Variants in AUTS2 observed in about 807,000 individuals in gnomAD.
The protein encoded by AUTS2 is autism susceptibility gene 2 protein.
AUTS2 carries 17 observed loss-of-function variants against 112.4 expected under a neutral mutation model. The observed-to-expected ratio is 0.15, with a 90% confidence interval of 0.10 to 0.23. AUTS2 has a LOEUF of 0.23. AUTS2 is among the 10% of genes least tolerant of loss of function. The probability of loss-of-function intolerance (pLI) is 1.00; values close to 1 mark genes in which losing one functional copy is unlikely to be tolerated. For missense variants in AUTS2, 1,510 were observed against 1,701.6 expected (o/e 0.89, Z 1.98); for synonymous variants, 751 against 702.7 (o/e 1.07, Z -1.09).
intron 5 of AUTS2, among the ~76,000 whole-genome samples, chr7:70,566,309 G>C (rs993134377): frequency 3.9e-5 from 6 of 152,174 alleles, no homozygotes; most frequent in African/African-American, 1.4e-4. Flanking sequence ...CAATTTCTAT[G>C]AAGATGGGAG....
intron 5 of AUTS2, among the ~76,000 whole-genome samples, chr7:70,685,045 C>G (rs1808400742): frequency 6.6e-6 from 1 of 152,036 alleles, no homozygotes; most frequent in African/African-American, 2.4e-5. Context: ...GTTGATTTCT[C>G]CCTCCCTTCC....
In AUTS2 at chr7:70,287,179, T is replaced by TC. The variant is rs1276744951; in HGVS notation, c.661-148572dup. Among the ~76,000 whole-genome samples the TC allele has an allele frequency of 5.3e-5, 8 of 152,302 alleles. No homozygotes were observed. In the East Asian group the frequency reaches 1.5e-3, roughly 29 times the overall value. ...AGATTCGCTGGATCTCTGTATCTCT[T>TC]CAACTGTGGTGAGTTTCATGGACAG... On this transcript the variant is annotated intron_variant, in intron 4 of 18. Transcript: ENST00000342771.
intron 6 of AUTS2, among the ~76,000 whole-genome samples, chr7:70,748,617 A>T (rs1031595285): frequency 2.0e-5 from 3 of 152,216 alleles, no homozygotes; most frequent in Non-Finnish European, 4.4e-5. Flanking sequence ...TACCAGTGAG[A>T]TATTTTAAAA....
chr7:69,823,172 CCTCT>C (rs1201540333), intron 1 of AUTS2, among the ~76,000 whole-genome samples: 1 of 152,150 alleles, frequency 6.6e-6, no homozygotes. Context: ...CTTTCAGCAA[CCTCT>C]CTCTCCCTTG....
chr7:70,649,765 T>G (rs1806394284), intron 5 of AUTS2, among the ~76,000 whole-genome samples: 2 of 151,990 alleles, frequency 1.3e-5, no homozygotes, highest in African/African-American at 4.8e-5. Context: ...CTGGACCTCG[T>G]GATTCACCCG....
intron 1 of AUTS2, among the ~76,000 whole-genome samples, chr7:69,704,340 C>T (rs897352365): frequency 7.1e-4 from 108 of 151,602 alleles, no homozygotes; most frequent in Non-Finnish European, 1.2e-3. Context: ...TGCGGTGGTG[C>T]GATCTCTGCT....
rs549590457 is a variant in AUTS2, at chr7:70,658,870, G to T, written c.691-39699G>T. Among the ~76,000 whole-genome samples the T allele has an allele frequency of 4.5e-4, 68 of 152,302 alleles. 2 individuals are homozygous for T. The South Asian group carries it at 0.011, about 25-fold the overall frequency. On this transcript the variant is annotated intron_variant, in intron 5 of 18. Transcript: ENST00000342771. ...CCCTGAAGCACAGACATATTGCAGA[G>T]CTAATGTATTATTTTGTTTTTGTTT...
In AUTS2 at chr7:70,208,864, G is replaced by A. The variant is rs191416398; in HGVS notation, c.660+74293G>A. On this transcript the variant is annotated intron_variant, in intron 4 of 18. Coordinates refer to ENST00000342771, the MANE Select transcript of AUTS2 (RefSeq NM_015570.4). ...CAAGGGACAGGAAAAAGGCCGGTGT[G>A]GCTGGAATTTGGTGTTCAAAGCAAG... Among the ~76,000 whole-genome samples the A allele has an allele frequency of 7.2e-4, 110 of 152,058 alleles. 1 individual carries two copies. In the Middle Eastern group the frequency reaches 0.014, roughly 19 times the overall value.
Position 70,760,586 on chromosome 7 carries a change from G to C in AUTS2, c.743-2284G>C, listed in dbSNP as rs140901332. Reference sequence around the variant, plus strand: ...GTGAAAGAAAAATATGGGAAATTTTGTGAAGACACATGGAGAGACACAGAG... The same window carrying C: ...GTGAAAGAAAAATATGGGAAATTTTCTGAAGACACATGGAGAGACACAGAG... On this transcript the variant is annotated intron_variant, in intron 6 of 18. Coordinates refer to ENST00000342771, the MANE Select transcript of AUTS2 (RefSeq NM_015570.4). Among the ~76,000 whole-genome samples, 273 of 152,338 alleles carry C rather than the reference G, an allele frequency of 1.8e-3. 1 individual carries two copies. Among genetic ancestry groups the C allele is most frequent in the African/African-American group, 6.2e-3 (258 of 41,572 alleles).
rs560863845 is a variant in AUTS2, at chr7:70,631,353, G to A, written c.691-67216G>A. Among the ~76,000 whole-genome samples the A allele has an allele frequency of 3.9e-5, 6 of 152,292 alleles. No individual in the cohort carries two copies. The highest frequency in any genetic ancestry group is 4.2e-4 in the South Asian group (2 of 4,818). ...AGGGCAGGGGCTGGCGACTGGCGGC[G>A]GGGAAGCATGTGCACATGCGTGTCT... On this transcript the variant is annotated intron_variant, in intron 5 of 18. Transcript: ENST00000342771. This position sits in a 1 kb window ranked among gnomAD's most constrained non-coding sequence, Gnocchi z 4.5.
chr7:69,717,845 G>A (rs1242979416), intron 1 of AUTS2, among the ~76,000 whole-genome samples: 1 of 152,076 alleles, frequency 6.6e-6, no homozygotes, highest in African/African-American at 2.4e-5. Flanking sequence ...TATACAGAGG[G>A]CAGTTAGAGT....
chr7:69,982,266 A>C (rs1798326051), intron 2 of AUTS2, among the ~76,000 whole-genome samples: 1 of 152,162 alleles, frequency 6.6e-6, no homozygotes. Flanking sequence ...AAAGCTGAGT[A>C]GCTCAGCACA....
chr7:69,885,228 T>C (rs895548215), intron 1 of AUTS2, among the ~76,000 whole-genome samples: 2 of 152,206 alleles, frequency 1.3e-5, no homozygotes, highest in East Asian at 3.9e-4. Context: ...CATTAATATT[T>C]ATTGAGTCAC....
intron 5 of AUTS2, among the ~76,000 whole-genome samples, chr7:70,541,494 C>T (rs1800552233): frequency 6.6e-6 from 1 of 152,220 alleles, no homozygotes; most frequent in Non-Finnish European, 1.5e-5. Flanking sequence ...TAAAGATCAT[C>T]TTATCAGGAT....
chr7:70,282,927 A>G (rs1266936116), intron 4 of AUTS2, among the ~76,000 whole-genome samples: 1 of 152,180 alleles, frequency 6.6e-6, no homozygotes, highest in Non-Finnish European at 1.5e-5. Flanking sequence ...CTCTTTAAAC[A>G]TTTATGCTAT....
At chr7:70,295,611 A>G (rs932923994) in intron 4 of AUTS2, among the ~76,000 whole-genome samples, 1 of 151,960 alleles carries the variant, frequency 6.6e-6, no homozygotes, top group Admixed American at 6.6e-5. Context: ...ATGTTACTCT[A>G]TTGCCTCAAC....
intron 5 of AUTS2, among the ~76,000 whole-genome samples, chr7:70,461,417 G>A (rs553147414): frequency 1.3e-5 from 2 of 152,108 alleles, no homozygotes; most frequent in Non-Finnish European, 2.9e-5. Context: ...ACCACTGTGA[G>A]CTTGGCTTAG....
intron 4 of AUTS2, among the ~76,000 whole-genome samples, chr7:70,351,278 TC>T (rs1355545205): frequency 6.6e-6 from 1 of 152,220 alleles, no homozygotes; most frequent in Non-Finnish European, 1.5e-5. Context: ...GGTCTCGAAC[TC>T]CTGACCTCTG....
intron 6 of AUTS2, among the ~76,000 whole-genome samples, chr7:70,745,609 G>A (rs914548789): frequency 3.9e-5 from 6 of 152,126 alleles, no homozygotes; most frequent in East Asian, 1.9e-4. Context: ...TAGACGGAGC[G>A]TGCAGACCAC....
Sources: gnomAD v4.1 joint callset for allele counts (sites outside exome capture counted in the v4.1 genomes callset) on GRCh38, gnomAD v4.1.1 for gene constraint, Gnocchi (gnomAD v3.1) non-coding constraint, MANE v1.5 for transcripts, NCBI Gene and HGNC (gene_info 2026-07-23, HGNC 2026-07-21) for gene names.